WIPI2: variants seen among roughly 807,000 people sequenced by gnomAD.
WIPI2 encodes the protein WD repeat domain, phosphoinositide interacting 2.
WIPI2 carries 28 observed loss-of-function variants against 52.3 expected under a neutral mutation model. That is an observed-to-expected ratio of 0.54 (90% CI 0.40 to 0.73). WIPI2 has a LOEUF of 0.73. WIPI2 is among the 30% of genes least tolerant of loss of function. The probability of loss-of-function intolerance (pLI) is 0.00; values close to 1 mark genes in which losing one functional copy is unlikely to be tolerated. For missense variants in WIPI2, 506 were observed against 602.9 expected (o/e 0.84, Z 1.68); for synonymous variants, 268 against 245.0 (o/e 1.09, Z -0.88).
intron 7 of WIPI2, among the ~76,000 whole-genome samples, chr7:5,220,456 GT>G (rs1437205478): frequency 2.0e-5 from 3 of 151,670 alleles, no homozygotes; most frequent in Non-Finnish European, 4.4e-5. Context: ...GGCCAGGCTG[GT>G]CGTGAACTCC....
intron 7 of WIPI2, among the ~76,000 whole-genome samples, chr7:5,219,342 C>G (rs1316664464): frequency 6.6e-6 from 1 of 152,194 alleles, no homozygotes; most frequent in Non-Finnish European, 1.5e-5. Flanking sequence ...TGAAATGGCC[C>G]TGAAATTCTG....
At chr7:5,204,450 T>C (rs1361339973) in intron 3 of WIPI2, among the ~76,000 whole-genome samples, 1 of 152,044 alleles carries the variant, frequency 6.6e-6, no homozygotes, top group Admixed American at 6.6e-5. Flanking sequence ...TTGGGCTGTC[T>C]CAAAAAAATT....
chr7:5,207,422 C>T (rs1782350644), intron 3 of WIPI2, among the ~76,000 whole-genome samples: 1 of 152,138 alleles, frequency 6.6e-6, no homozygotes, highest in South Asian at 2.1e-4. Context: ...AGCATCTACT[C>T]TTTTGATGAC....
chr7:5,214,356 C>T (rs759931769), intron 3 of WIPI2, 179 bp from the exon 4 acceptor site: 7 of 1,586,482 alleles, frequency 4.4e-6, no homozygotes, highest in Admixed American at 1.7e-5. Context: ...GAGGCTCCAG[C>T]GAATCAAGAC....
chr7:5,195,485 C>CA (rs1228953994), intron 2 of WIPI2, among the ~76,000 whole-genome samples: 2 of 151,796 alleles, frequency 1.3e-5, no homozygotes, highest in Non-Finnish European at 2.9e-5. Context: ...GACCCTGTCT[C>CA]AAAAAAATAA....
At position 5,217,147 on chromosome 7, in the gene WIPI2, C is replaced by T. The variant is rs768396611; in HGVS notation, c.536C>T (p.Ala179Val). The change falls in exon 6 of 13, where the codon GCG (alanine) becomes GTG (valine). Residue 179 changes from alanine to valine, a missense_variant. Around this residue, in one of 4 missense-constraint regions of WIPI2, gnomAD observed 237 missense variants for 346.9 expected, o/e 0.68. Coordinates refer to ENST00000288828, the MANE Select transcript of WIPI2 (RefSeq NM_015610.4). The stretch of plus-strand genomic sequence containing the variant: ...TGCTACTTGGCGTACCCAGGGAGCG[C>T]GACCATCGGAGAGGTGCAGGTCTTC... ...DNCYLAYPGS[A>V]TIGEVQVFDT... is the part of the protein sequence containing the mutation. The T allele has an allele frequency of 3.3e-5, 54 of 1,613,980 alleles. No individual in the cohort carries two copies. Among genetic ancestry groups the T allele is most frequent in the Non-Finnish European group, 4.2e-5 (49 of 1,179,992 alleles).
chr7:5,191,522 G>A (rs766378103), intron 1 of WIPI2, among the ~76,000 whole-genome samples: 10 of 152,114 alleles, frequency 6.6e-5, no homozygotes, highest in Non-Finnish European at 1.5e-4. Flanking sequence ...CCGTGCATTC[G>A]GAACGCTGTT....
At chr7:5,192,189 G>C (rs887636270) in intron 1 of WIPI2, among the ~76,000 whole-genome samples, 1 of 152,094 alleles carries the variant, frequency 6.6e-6, no homozygotes, top group South Asian at 2.1e-4. Flanking sequence ...CAAACAATTC[G>C]GACAACCTGT....
chr7:5,190,346 G>T lies in WIPI2; in HGVS notation c.-74G>T, dbSNP rs1262732260. The stretch of plus-strand genomic sequence containing the variant: ...GAGGCGGCGAGCGGGGCCCGGCGCC[G>T]ACCCTGAGTGCAGCCTGACCCGCCC... On this transcript the variant is annotated 5_prime_UTR_variant, in exon 1 of 13. Transcript: ENST00000288828. 3.7e-6 allele frequency: 4 copies of T among 1,090,798 alleles called. No individual in the cohort carries two copies. In the African/African-American group the frequency reaches 5.0e-5, roughly 14 times the overall value. The allele number at this position is 1,090,798 out of a possible 1,614,324, so 67.6% of individuals were successfully genotyped here.
rs905886611 is a variant in WIPI2, at chr7:5,190,461, G to C, written c.42G>C (p.Gln14His). Residue 14 changes from glutamine (Q) to histidine (H), a missense_variant, in exon 1 of 13, where the codon CAG (glutamine) becomes CAC (histidine). Gln to His is a conservative substitution (Grantham distance 24, BLOSUM62 0). Coordinates refer to ENST00000288828, the MANE Select transcript of WIPI2 (RefSeq NM_015610.4). ...ASQSGEAGAG[Q>H]LLFANFNQDN... The stretch of plus-strand genomic sequence containing the variant: ...AGAGCGGGGAGGCCGGCGCCGGCCA[G>C]CTGCTCTTCGCCAACTTCAACCAGG... 1 of 1,505,234 alleles carries C rather than the reference G, an allele frequency of 6.6e-7. No homozygotes were observed. The highest frequency in any genetic ancestry group is 8.9e-7 in the Non-Finnish European group (1 of 1,126,648). 93.2% of individuals were successfully genotyped at this position (1,505,234 alleles called of 1,614,324 possible). A position where few individuals can be genotyped will look rare whatever the true frequency, so the allele number is the denominator to read the frequency against.
chr7:5,190,539 G>A, intron 1 of WIPI2, 46 bp downstream of exon 1: 1 of 1,435,620 alleles, frequency 7.0e-7, no homozygotes, highest in Non-Finnish European at 9.2e-7. Context: ...GCCAGGGTCG[G>A]ACCCGGGCTA....
In WIPI2 at chr7:5,214,352, C is replaced by G; in HGVS notation, c.212-183C>G. 3 of 1,586,272 alleles carry G rather than the reference C, an allele frequency of 1.9e-6. No homozygotes were observed. The South Asian group carries it at 3.3e-5, about 18-fold the overall frequency. ...TTAGAGTGGAAATGCTCCTGAGGCT[C>G]CAGCGAATCAAGACCCTCAGACCCC... On this transcript the variant is annotated intron_variant, in intron 3 of 12. Transcript: ENST00000288828.
intron 2 of WIPI2, among the ~76,000 whole-genome samples, chr7:5,194,686 A>C (rs760210440): frequency 6.6e-6 from 1 of 152,154 alleles, no homozygotes; most frequent in African/African-American, 2.4e-5. Flanking sequence ...TGTTGCCCCA[A>C]CTGGTCTCAA....
At chr7:5,197,305 G>T (rs1781803222) in intron 2 of WIPI2, among the ~76,000 whole-genome samples, 1 of 152,056 alleles carries the variant, frequency 6.6e-6, no homozygotes, top group Admixed American at 6.6e-5. Context: ...GGGAGTGGGG[G>T]AGTCCTGCTT....
chr7:5,210,955 C>A, intron 3 of WIPI2, among the ~76,000 whole-genome samples: 1 of 152,314 alleles, frequency 6.6e-6, no homozygotes, highest in South Asian at 2.1e-4. Flanking sequence ...GCTTTCTCCG[C>A]GGGGTACATC....
chr7:5,202,424 C>T (rs542933266), intron 3 of WIPI2, among the ~76,000 whole-genome samples: 1 of 152,272 alleles, frequency 6.6e-6, no homozygotes, highest in Admixed American at 6.5e-5. Flanking sequence ...CGCTCTGTCA[C>T]CCAGGCTGGA....
At chr7:5,222,759 C>A in intron 8 of WIPI2, 87 bp downstream of exon 8, 1 of 1,288,754 alleles carries the variant, frequency 7.8e-7, no homozygotes, top group Non-Finnish European at 1.1e-6. Flanking sequence ...AAGTAGAACC[C>A]CCAGGAGAAT....
At chr7:5,199,445 T>C in intron 2 of WIPI2, 131 bp from the exon 3 acceptor site, 1 of 702,246 alleles carries the variant, frequency 1.4e-6, no homozygotes, top group Non-Finnish European at 2.5e-6. Flanking sequence ...GTGAAATGAT[T>C]TGCTCTGTGC....
At chr7:5,218,115 C>T in intron 7 of WIPI2, 101 bp downstream of exon 7, 1 of 1,270,796 alleles carries the variant, frequency 7.9e-7, no homozygotes, top group South Asian at 1.2e-5. Context: ...CCTATACTTA[C>T]CAGCTCCGGG....
Sources: gnomAD v4.1 joint callset for allele counts (sites outside exome capture counted in the v4.1 genomes callset) on GRCh38, gnomAD v4.1.1 for gene constraint, gnomAD v4.1.1 regional missense constraint, MANE v1.5 for transcripts, NCBI Gene and HGNC (gene_info 2026-07-23, HGNC 2026-07-21) for gene names.